The following INTS2 variants were observed in gnomAD, a reference collection of about 807,000 sequenced individuals.
INTS2 encodes the protein KIAA1287.
INTS2 carries 57 observed loss-of-function variants against 139.6 expected under a neutral mutation model. That is an observed-to-expected ratio of 0.41 (90% confidence interval 0.33 to 0.51). The LOEUF is 0.51. Among genes scored for constraint, INTS2 ranks in the 20% least tolerant of loss-of-function variants. The pLI, the probability that INTS2 is intolerant of heterozygous loss-of-function variation, is 0.28. For missense variants in INTS2, 1,196 were observed against 1,436.7 expected, an observed-to-expected ratio of 0.83 and a Z score of 2.71; for synonymous variants, 473 against 493.4, an observed-to-expected ratio of 0.96 and a Z score of 0.55.
At chr17:61,887,206 G>A (rs553053628) in intron 15 of INTS2, among the ~76,000 whole-genome samples, 1 of 152,222 alleles carries the variant, frequency 6.6e-6, no homozygotes, top group South Asian at 2.1e-4. Context: ...AGTAAGGCCA[G>A]GCAAAGTGGC....
chr17:61,925,093 T>C lies in INTS2; in HGVS notation c.300A>G (p.Lys100=). The change falls in exon 3 of 25, where the codon AAA becomes AAG. Residue 100 remains lysine (K), a synonymous_variant. Coordinates refer to ENST00000251334, the MANE Select transcript of INTS2 (RefSeq NM_001351695.2). ...DASKEQQLRH[K]LGGGSGESIL... is the part of the protein sequence containing the mutation. The stretch of plus-strand genomic sequence containing the variant: ...TGCTCTCTCCACTGCCTCCTCCAAG[T>C]TTATGCCTAATGAAGTACAAAACAT... 1.2e-6 allele frequency: 2 copies of C among 1,613,344 alleles called. No homozygotes were observed. Among genetic ancestry groups the C allele is most frequent in the Non-Finnish European group, 1.7e-6 (2 of 1,179,352 alleles).
intron 14 of INTS2, among the ~76,000 whole-genome samples, chr17:61,890,294 G>T (rs549920875): frequency 6.6e-6 from 1 of 151,900 alleles, no homozygotes; most frequent in Admixed American, 6.6e-5. Context: ...TAACAAACTG[G>T]GGAAAAAATA....
At chr17:61,916,473 T>C (rs565200691) in intron 5 of INTS2, among the ~76,000 whole-genome samples, 2 of 152,016 alleles carry the variant, frequency 1.3e-5, no homozygotes, top group South Asian at 2.1e-4. Flanking sequence ...TGCAACAGAA[T>C]AGAAAACCCA....
chr17:61,880,137 G>A (rs551202146), intron 17 of INTS2, among the ~76,000 whole-genome samples: 3 of 152,140 alleles, frequency 2.0e-5, no homozygotes, highest in African/African-American at 4.8e-5. Context: ...TAGGCCTCCC[G>A]GGTTCACACC....
chr17:61,907,574 A>G lies in INTS2; in HGVS notation c.1015T>C (p.Leu339=). Residue 339 remains leucine (L), a synonymous_variant, in exon 8 of 25, where the codon TTG becomes CTG. Coordinates refer to ENST00000251334, the MANE Select transcript of INTS2 (RefSeq NM_001351695.2). ...WQMRRQLLLE[L]MGILPTVRST... ...CTTACTGTGGGAAGAATGCCCATCA[A>G]CTCCAGAAGAAGCTGCCTTCTCATC... 1 of 1,593,286 alleles carries G rather than the reference A, an allele frequency of 6.3e-7. No individual in the cohort carries two copies. The highest frequency in any genetic ancestry group is 8.6e-7 in the Non-Finnish European group (1 of 1,169,308).
In INTS2 at chr17:61,884,995, T is replaced by C. The variant is rs1462816074; in HGVS notation, c.1995A>G (p.Gln665=). The C allele has an allele frequency of 6.3e-7, 1 of 1,590,046 alleles. No homozygotes were observed. Among genetic ancestry groups the C allele is most frequent in the South Asian group, 1.1e-5 (1 of 87,738 alleles). Residue 665 remains glutamine, a synonymous_variant, in exon 16 of 25, where the codon CAA becomes CAG. Transcript: ENST00000251334. The part of the protein sequence containing the change: ...LANTKTLAAM[Q]RKPKSYSSSL... ...AAGAAGAATATGATTTGGGCTTTCT[T>C]TGCATGGCAGCTATCAAAGATAAAA...
chr17:61,869,028 A>T lies in INTS2; in HGVS notation c.3244+6T>A. 1 of 1,520,792 alleles carries T rather than the reference A, an allele frequency of 6.6e-7. No individual in the cohort carries two copies. Among genetic ancestry groups the T allele is most frequent in the Non-Finnish European group, 9.1e-7 (1 of 1,097,122 alleles). 94.2% of individuals were successfully genotyped at this position (1,520,792 alleles called of 1,614,324 possible). On this transcript the variant is annotated splice_donor_region_variant and intron_variant, in intron 23 of 24. Transcript: ENST00000251334. This position sits in a 1 kb window ranked among gnomAD's most constrained non-coding sequence, Gnocchi z 5.4. ...AGATGTTTGTTGATGTTGATTGGCT[A>T]CATACCTGTTAACAAAGTTCCCATG...
At chr17:61,892,207 A>G (rs144931577) in intron 13 of INTS2, among the ~76,000 whole-genome samples, 1 of 152,334 alleles carries the variant, frequency 6.6e-6, no homozygotes, top group Admixed American at 6.5e-5. Context: ...TAAAAATATA[A>G]AGCAGATGAT....
chr17:61,895,966 G>A (rs2145934318), intron 11 of INTS2, among the ~76,000 whole-genome samples: 1 of 152,162 alleles, frequency 6.6e-6, no homozygotes, highest in African/African-American at 2.4e-5. Flanking sequence ...TTACAGCCAG[G>A]TGCAGTGGTT....
At chr17:61,898,143 C>T (rs2145938151) in intron 9 of INTS2, among the ~76,000 whole-genome samples, 1 of 151,994 alleles carries the variant, frequency 6.6e-6, no homozygotes, top group East Asian at 1.9e-4. Context: ...AAACTGAGTG[C>T]CAAACAGTAA....
Position 61,909,734 on chromosome 17 carries a change from T to C in INTS2, c.954+1786A>G, listed in dbSNP as rs2079503483. On this transcript the variant is annotated intron_variant, in intron 7 of 24. Coordinates refer to ENST00000251334, the MANE Select transcript of INTS2 (RefSeq NM_001351695.2). This position sits in a 1 kb window ranked among gnomAD's most constrained non-coding sequence, Gnocchi z 4.9. The stretch of plus-strand genomic sequence containing the variant: ...CCATCCATGTTACTGTCAGACATGA[T>C]TTTATTCTTTTTTATGGTTGAGTTG... Among the ~76,000 whole-genome samples, 1 of 152,100 alleles carries C rather than the reference T, an allele frequency of 6.6e-6. No individual in the cohort carries two copies. Among genetic ancestry groups the C allele is most frequent in the Admixed American group, 6.6e-5 (1 of 15,246 alleles).
intron 16 of INTS2, among the ~76,000 whole-genome samples, chr17:61,881,388 G>A (rs2079177403): frequency 6.6e-6 from 1 of 152,206 alleles, no homozygotes; most frequent in South Asian, 2.1e-4. Context: ...CCTGAGGTCA[G>A]GAGTTCAAGA....
intron 15 of INTS2, among the ~76,000 whole-genome samples, chr17:61,887,074 A>C (rs1603375557): frequency 6.6e-6 from 1 of 152,216 alleles, no homozygotes; most frequent in East Asian, 1.9e-4. Flanking sequence ...ACAATACTTA[A>C]TACTAACTTA....
At chr17:61,907,384 G>A in intron 8 of INTS2, 24 bp downstream of exon 8, 2 of 1,528,846 alleles carry the variant, frequency 1.3e-6, no homozygotes, top group Non-Finnish European at 1.8e-6. Context: ...TGACAAAAAG[G>A]TAAAATATCA....
intron 3 of INTS2, among the ~76,000 whole-genome samples, chr17:61,924,413 T>A (rs542907683): frequency 6.6e-6 from 1 of 152,078 alleles, no homozygotes; most frequent in Non-Finnish European, 1.5e-5. Context: ...ATCCCTCTCA[T>A]AGAAAATGCA....
chr17:61,869,008 T>G lies in INTS2; in HGVS notation c.3244+26A>C, dbSNP rs1168839455. 1 of 1,250,458 alleles carries G rather than the reference T, an allele frequency of 8.0e-7. No individual in the cohort carries two copies. Among genetic ancestry groups the G allele is most frequent in the Admixed American group, 1.8e-5 (1 of 54,106 alleles). The allele number at this position is 1,250,458 out of a possible 1,614,324, so 77.5% of individuals were successfully genotyped here. On this transcript the variant is annotated intron_variant, in intron 23 of 24. Transcript: ENST00000251334. The surrounding 1 kb of genome is among the most constrained non-coding windows in gnomAD (Gnocchi z 5.4). ...GAACTATAATAATTTATGTCAGATGTTTGTTGATGTTGATTGGCTACATAC... is the reference window on the plus strand; with the variant it reads ...GAACTATAATAATTTATGTCAGATGGTTGTTGATGTTGATTGGCTACATAC...
intron 3 of INTS2, among the ~76,000 whole-genome samples, chr17:61,924,742 C>A (rs2079691039): frequency 1.3e-5 from 2 of 152,008 alleles, no homozygotes; most frequent in South Asian, 4.1e-4. Flanking sequence ...GGCAGGAGAA[C>A]CGTTTGAATC....
chr17:61,869,629 G>C lies in INTS2; in HGVS notation c.3030+108C>G. The C allele has an allele frequency of 2.3e-6, 3 of 1,313,068 alleles. No homozygotes were observed. The highest frequency in any genetic ancestry group is 3.9e-4 in the Middle Eastern group (2 of 5,076). 81.3% of individuals were successfully genotyped at this position (1,313,068 alleles called of 1,614,324 possible). On this transcript the variant is annotated intron_variant, in intron 21 of 24. Transcript: ENST00000251334. This position sits in a 1 kb window ranked among gnomAD's most constrained non-coding sequence, Gnocchi z 5.4. ...TTTCTCCATATTGCAAAAGCCCATG[G>C]ATCATTTGTGTTTTCTCTGGTTTCT... is the stretch of plus-strand genomic sequence containing the variant.
At chr17:61,880,425 G>A (rs2079167485) in intron 17 of INTS2, among the ~76,000 whole-genome samples, 1 of 152,100 alleles carries the variant, frequency 6.6e-6, no homozygotes, top group African/African-American at 2.4e-5. Context: ...TAGGACCTAT[G>A]AGAGAAAAGA....
Sources: gnomAD v4.1 joint callset for allele counts (sites outside exome capture counted in the v4.1 genomes callset) on GRCh38, gnomAD v4.1.1 for gene constraint, Gnocchi (gnomAD v3.1) non-coding constraint, MANE v1.5 for transcripts, NCBI Gene and HGNC (gene_info 2026-07-23, HGNC 2026-07-21) for gene names.